The following RAD50 variants were observed in gnomAD, a reference collection of about 807,000 sequenced individuals.
RAD50 encodes the protein RAD50 double strand break repair protein, also known as DNA repair protein RAD50.
In RAD50, 132 loss-of-function variants were observed where a neutral mutation model predicts 168.8. That is an observed-to-expected ratio of 0.78 (90% CI 0.68 to 0.90). The LOEUF (loss-of-function observed/expected upper bound fraction) is 0.90, where lower values mean the gene tolerates loss of function less well. Ranked by LOEUF, RAD50 falls within the 40% of genes least tolerant of loss-of-function variation. The probability of loss-of-function intolerance (pLI) is 0.00; values close to 1 mark genes in which losing one functional copy is unlikely to be tolerated. For synonymous variants in RAD50, 525 were observed against 497.4 expected, an observed-to-expected ratio of 1.06 and a Z score of -0.74; for missense variants, 1,347 against 1,534.4, an observed-to-expected ratio of 0.88 and a Z score of 2.04.
At chr5:132,573,547 C>T (rs953405707) in intron 2 of RAD50, among the ~76,000 whole-genome samples, 18 of 152,214 alleles carry the variant, frequency 1.2e-4, no homozygotes, top group African/African-American at 4.1e-4. Context: ...ATGATTCCAC[C>T]CCTGGCCCCT....
At chr5:132,631,994 G>C (rs929866804) in intron 21 of RAD50, among the ~76,000 whole-genome samples, 1 of 152,132 alleles carries the variant, frequency 6.6e-6, no homozygotes, top group East Asian at 1.9e-4. Flanking sequence ...ACTTCTGCCA[G>C]CTTCATTTTC....
chr5:132,566,030 C>A (rs1344481041), intron 2 of RAD50, among the ~76,000 whole-genome samples: 3 of 152,190 alleles, frequency 2.0e-5, no homozygotes, highest in Non-Finnish European at 2.9e-5. Context: ...GGTTTTACAA[C>A]TAGATTGTTT....
intron 1 of RAD50, among the ~76,000 whole-genome samples, chr5:132,557,965 C>G (rs1750039747): frequency 6.7e-6 from 1 of 150,108 alleles, no homozygotes; most frequent in African/African-American, 2.4e-5. Flanking sequence ...AACTTCTCTT[C>G]TTAAAACTCA....
At chr5:132,600,449 AGTT>A (rs1214049598) in intron 13 of RAD50, among the ~76,000 whole-genome samples, 1 of 152,186 alleles carries the variant, frequency 6.6e-6, no homozygotes, top group African/African-American at 2.4e-5. Context: ...CAAAGGGAAA[AGTT>A]GTGGAAGATG....
chr5:132,635,226 A>C (rs1751556937), intron 21 of RAD50, among the ~76,000 whole-genome samples: 1 of 152,262 alleles, frequency 6.6e-6, no homozygotes, highest in Non-Finnish European at 1.5e-5. Flanking sequence ...TGGTAAATAG[A>C]GATAACAGTA....
At chr5:132,604,558 C>A (rs189946413) in intron 15 of RAD50, among the ~76,000 whole-genome samples, 18 of 152,152 alleles carry the variant, frequency 1.2e-4, no homozygotes, top group Admixed American at 9.8e-4. Flanking sequence ...TGAGCCAGTG[C>A]GCCTGGCCAT....
At chr5:132,587,077 C>A (rs1248965708) in intron 5 of RAD50, among the ~76,000 whole-genome samples, 1 of 152,076 alleles carries the variant, frequency 6.6e-6, no homozygotes, top group East Asian at 1.9e-4. Flanking sequence ...ACTGAGCTCC[C>A]TTGTTGTACT....
Position 132,588,766 on chromosome 5 carries a change from G to A in RAD50, c.1131G>A (p.Gln377=), listed in dbSNP as rs786202849. Residue 377 remains glutamine (Q), a synonymous_variant, in exon 8 of 25, where the codon CAG becomes CAA. Coordinates refer to ENST00000378823, the MANE Select transcript of RAD50 (RefSeq NM_005732.4). ...CATTAATTCAGTCTTTGGCAACACA[G>A]CTAGAATTGGATGGCTTTGAGCGTG... is the stretch of plus-strand genomic sequence containing the variant. The part of the protein sequence containing the change: ...RDSLIQSLAT[Q]LELDGFERGP... 1 of 1,613,932 alleles carries A rather than the reference G, an allele frequency of 6.2e-7. No homozygotes were observed. The highest frequency in any genetic ancestry group is 2.2e-5 in the East Asian group (1 of 44,874).
At chr5:132,563,286 A>G (rs1486497898) in intron 2 of RAD50, among the ~76,000 whole-genome samples, 1 of 152,218 alleles carries the variant, frequency 6.6e-6, no homozygotes, top group African/African-American at 2.4e-5. Flanking sequence ...TGAGTAGGCA[A>G]AAAGAGATAA....
intron 19 of RAD50, among the ~76,000 whole-genome samples, chr5:132,613,888 C>T (rs1751131165): frequency 1.3e-5 from 2 of 152,188 alleles, no homozygotes; most frequent in African/African-American, 2.4e-5. Context: ...TGAGCCACCA[C>T]GCCCGGCCAC....
intron 3 of RAD50, 92 bp from the exon 4 acceptor site, chr5:132,579,225 C>A: frequency 7.5e-7 from 1 of 1,326,224 alleles, no homozygotes; most frequent in Non-Finnish European, 1.0e-6. Flanking sequence ...TTTTTTTATT[C>A]TTTTAAAGAA....
intron 21 of RAD50, among the ~76,000 whole-genome samples, chr5:132,634,416 C>T (rs1373658749): frequency 6.6e-6 from 1 of 151,494 alleles, no homozygotes; most frequent in Non-Finnish European, 1.5e-5. Context: ...ATATTTATCT[C>T]TGGCTATCTC....
intron 21 of RAD50, among the ~76,000 whole-genome samples, chr5:132,619,902 A>G: frequency 7.1e-6 from 1 of 141,676 alleles, no homozygotes. Context: ...AGAGAGAGAG[A>G]GATATATCTT....
At chr5:132,640,851 T>C (rs201607530) in intron 24 of RAD50, 46 bp downstream of exon 24, 647 of 1,612,358 alleles carry the variant, frequency 4.0e-4, no homozygotes, top group Non-Finnish European at 5.0e-4. Context: ...TATCTCACAT[T>C]TGGGGACAGG....
At chr5:132,579,645 A>G (rs1750468892) in intron 4 of RAD50, 143 bp downstream of exon 4, 3 of 900,946 alleles carry the variant, frequency 3.3e-6, no homozygotes, top group Non-Finnish European at 5.2e-6. Flanking sequence ...ACCATTGGGC[A>G]TATTTTCTTT....
intron 21 of RAD50, among the ~76,000 whole-genome samples, chr5:132,632,881 T>C (rs1462880921): frequency 6.6e-6 from 1 of 152,236 alleles, no homozygotes; most frequent in African/African-American, 2.4e-5. Context: ...TACATTTCCC[T>C]CTTTACTAGT....
chr5:132,593,164 A>G (rs918721999), intron 11 of RAD50: 4 of 207,898 alleles, frequency 1.9e-5, no homozygotes, highest in African/African-American at 2.3e-5. Context: ...CATTGATCTC[A>G]TAAACTTGTT....
At chr5:132,584,231 G>A (rs890507346) in intron 5 of RAD50, among the ~76,000 whole-genome samples, 3 of 152,070 alleles carry the variant, frequency 2.0e-5, no homozygotes, top group African/African-American at 7.2e-5. Context: ...TCTCATTGTG[G>A]TTTTGATTTG....
At chr5:132,564,743 A>C (rs1385963622) in intron 2 of RAD50, among the ~76,000 whole-genome samples, 2 of 152,200 alleles carry the variant, frequency 1.3e-5, no homozygotes, top group Non-Finnish European at 2.9e-5. Context: ...GGCATTTCAG[A>C]GATCTTCACA....
Sources: allele counts gnomAD v4.1 joint callset (sites outside exome capture counted in the v4.1 genomes callset), GRCh38; gene constraint gnomAD v4.1.1; transcripts MANE v1.5; gene names NCBI Gene and HGNC (gene_info 2026-07-23, HGNC 2026-07-21).